ULK1: variants seen among roughly 807,000 people sequenced by gnomAD.
ULK1 encodes serine/threonine-protein kinase ULK1.
A neutral mutation model predicts 117.5 loss-of-function variants in ULK1; 48 were observed. The ratio of observed to expected loss-of-function variants is 0.41; its 90% CI spans 0.32 to 0.52. ULK1 has a LOEUF of 0.52. Ranked by LOEUF, ULK1 falls within the 20% of genes least tolerant of loss-of-function variation. The pLI, the probability that ULK1 is intolerant of heterozygous loss-of-function variation, is 0.29. For missense variants in ULK1, 1,387 were observed against 1,473.4 expected (o/e 0.94, Z 0.96); for synonymous variants, 790 against 637.8 (o/e 1.24, Z -3.60).
intron 7 of ULK1, 80 bp from the exon 8 acceptor site, chr12:131,909,056 C>T: frequency 4.4e-6 from 7 of 1,609,092 alleles, no homozygotes; most frequent in Non-Finnish European, 5.1e-6. Flanking sequence ...GCGCTCTGCT[C>T]TGGTTGGCTG....
Position 131,913,807 on chromosome 12 carries a change from A to G in ULK1, c.1218A>G (p.Pro406=). Residue 406 remains proline, a synonymous_variant, in exon 15 of 28, where the codon CCA becomes CCG. Coordinates refer to ENST00000321867, the MANE Select transcript of ULK1 (RefSeq NM_003565.4). ...ESHGRTPSPS[P]PCSSSPSPSG... is the part of the protein sequence containing the mutation. Reference sequence around the variant, plus strand: ...ACGGCCGGACCCCATCTCCATCCCCACCCTGCAGCAGCTCCCCCAGTCCCT... The same window carrying G: ...ACGGCCGGACCCCATCTCCATCCCCGCCCTGCAGCAGCTCCCCCAGTCCCT... 6.4e-7 allele frequency: 1 copy of G among 1,562,800 alleles called. No individual in the cohort carries two copies. Among genetic ancestry groups the G allele is most frequent in the Non-Finnish European group, 8.7e-7 (1 of 1,153,876 alleles).
Position 131,918,620 on chromosome 12 carries a change from C to T in ULK1, c.2450C>T (p.Ala817Val), listed in dbSNP as rs1267399543. Residue 817 changes from alanine to valine, a missense_variant, in exon 23 of 28, where the codon GCG (alanine) becomes GTG (valine). Around this residue, in one of 4 missense-constraint regions of ULK1, gnomAD observed 900 missense variants for 858.9 expected, o/e 1.05. Coordinates refer to ENST00000321867, the MANE Select transcript of ULK1 (RefSeq NM_003565.4). Reference sequence around the variant, plus strand: ...TGCAGCTTTGCCGACCCCATTACTGCGAACCTGGAGGGGGCTGTGACCTTC... The same window carrying T: ...TGCAGCTTTGCCGACCCCATTACTGTGAACCTGGAGGGGGCTGTGACCTTC... ...HGCSFADPITANLEGAVTFEA... is the reference protein window; with the variant it reads ...HGCSFADPITVNLEGAVTFEA... 4 of 1,610,144 alleles carry T rather than the reference C, an allele frequency of 2.5e-6. No homozygotes were observed. Among genetic ancestry groups the T allele is most frequent in the South Asian group, 1.1e-5 (1 of 90,632 alleles).
intron 12 of ULK1, among the ~76,000 whole-genome samples, chr12:131,911,282 G>A (rs1486177025): frequency 6.6e-6 from 1 of 152,218 alleles, no homozygotes; most frequent in Non-Finnish European, 1.5e-5. Flanking sequence ...GCATGGTGTT[G>A]TGGCTGGTGG....
rs115027161 is a variant in ULK1, at chr12:131,920,685, G to A, written c.2962-415G>A. On this transcript the variant is annotated intron_variant, in intron 26 of 27. Coordinates refer to ENST00000321867, the MANE Select transcript of ULK1 (RefSeq NM_003565.4). Reference sequence around the variant, plus strand: ...TCTTGCCTCAGCTTCCCAAGATGCTGGGTATTACAGGCAAAAACTCATGAG... The same window carrying A: ...TCTTGCCTCAGCTTCCCAAGATGCTAGGTATTACAGGCAAAAACTCATGAG... 625 of 208,176 alleles carry A rather than the reference G, an allele frequency of 3.0e-3. 3 individuals are homozygous for A. Among genetic ancestry groups the A allele is most frequent in the African/African-American group, 0.014 (605 of 43,550 alleles). The allele number at this position is 208,176 out of a possible 1,614,324, so 12.9% of individuals were successfully genotyped here.
rs561208204 is a variant in ULK1 at position 131,916,828 on chromosome 12, G to A, written c.2073-125G>A. ...GCCTGTAAGCTGGGGTGACAGGAGC[G>A]CCTGCCTCTCGAGGTGGGCCAGGAG... On this transcript the variant is annotated intron_variant, in intron 20 of 27. Transcript: ENST00000321867. 1.1e-4 allele frequency: 114 copies of A among 1,009,164 alleles called. No individual in the cohort carries two copies. In the African/African-American group the frequency reaches 1.6e-3, roughly 14 times the overall value. The allele number at this position is 1,009,164 out of a possible 1,614,324, so 62.5% of individuals were successfully genotyped here.
intron 18 of ULK1, 86 bp downstream of exon 18, chr12:131,915,507 C>G (rs1457572992): frequency 6.7e-7 from 1 of 1,482,974 alleles, no homozygotes; most frequent in Non-Finnish European, 9.1e-7. Flanking sequence ...CTTGCTCTTT[C>G]CAAGTGAAAA....
rs751619954 is a variant in ULK1 at position 131,907,548 on chromosome 12, G to A, written c.316+17G>A. Reference sequence around the variant, plus strand: ...ACCTGCACGGTGAGTGCACAGCTGCGCCACCTGGGCTGCCAGCCGGTCCCA... The same window carrying A: ...ACCTGCACGGTGAGTGCACAGCTGCACCACCTGGGCTGCCAGCCGGTCCCA... On this transcript the variant is annotated intron_variant, in intron 5 of 27. Transcript: ENST00000321867. The A allele has an allele frequency of 3.3e-5, 53 of 1,606,990 alleles. No individual in the cohort carries two copies. The Admixed American group carries it at 5.5e-4, about 17-fold the overall frequency.
chr12:131,917,432 G>C lies in ULK1; in HGVS notation c.2204G>C (p.Gly735Ala). ...MEIAPSAGFG[G>A]SLHPGARAGG... is the part of the protein sequence containing the mutation. ...CCAGCACCCTCAGCTGGCTTTGGAGGGAGCCTGCACCCAGGAGCCCGTGCT... is the reference window on the plus strand; with the variant it reads ...CCAGCACCCTCAGCTGGCTTTGGAGCGAGCCTGCACCCAGGAGCCCGTGCT... The change falls in exon 22 of 28, where the codon GGG (glycine) becomes GCG (alanine). Residue 735 changes from glycine to alanine, a missense_variant. By Grantham distance (60) the Gly-to-Ala change is moderately conservative. Around this residue, in one of 4 missense-constraint regions of ULK1, gnomAD observed 900 missense variants for 858.9 expected, o/e 1.05. Coordinates refer to ENST00000321867, the MANE Select transcript of ULK1 (RefSeq NM_003565.4). The C allele has an allele frequency of 6.5e-7, 1 of 1,541,458 alleles. No homozygotes were observed. The highest frequency in any genetic ancestry group is 8.7e-7 in the Non-Finnish European group (1 of 1,145,524).
Position 131,914,388 on chromosome 12 carries a change from C to A in ULK1, c.1284C>A (p.Ala428=), listed in dbSNP as rs771212541. 3.2e-5 allele frequency: 52 copies of A among 1,612,408 alleles called. No individual in the cohort carries two copies. Among genetic ancestry groups the A allele is most frequent in the Non-Finnish European group, 4.2e-5 (49 of 1,179,982 alleles). ...CGTTCTCCAGCAGCAGGTGCGGCGC[C>A]TCTGTCCCCATCCCAGTCCCCACGC... ...AGPFSSSRCG[A]SVPIPVPTQV... is the part of the protein sequence containing the mutation. The change falls in exon 16 of 28, where the codon GCC becomes GCA. Residue 428 remains alanine, a synonymous_variant. Coordinates refer to ENST00000321867, the MANE Select transcript of ULK1 (RefSeq NM_003565.4).
intron 22 of ULK1, among the ~76,000 whole-genome samples, chr12:131,918,101 C>T (rs1889944363): frequency 6.6e-6 from 1 of 152,190 alleles, no homozygotes. Flanking sequence ...TGGGGGACTG[C>T]CTTGCCCTTT....
Position 131,899,016 on chromosome 12 carries a change from T to C in ULK1, c.246+3192T>C, listed in dbSNP as rs1482360817. On this transcript the variant is annotated intron_variant, in intron 3 of 27. Coordinates refer to ENST00000321867, the MANE Select transcript of ULK1 (RefSeq NM_003565.4). The stretch of plus-strand genomic sequence containing the variant: ...GCCTCAGCCTCCCGAGTAGCTGGGA[T>C]TACAGGCACCTGCCACCACGCCCGG... Among the ~76,000 whole-genome samples, 12 of 150,158 alleles carry C rather than the reference T, an allele frequency of 8.0e-5. 1 individual carries two copies. The highest frequency in any genetic ancestry group is 6.6e-4 in the Admixed American group (10 of 15,040).
chr12:131,909,876 C>G, intron 9 of ULK1, 43 bp downstream of exon 9: 1 of 1,609,972 alleles, frequency 6.2e-7, no homozygotes, highest in South Asian at 1.1e-5. Context: ...CCGCGGGCTC[C>G]GGCCCCGCAG....
In ULK1 at chr12:131,903,297, C is replaced by T. The variant is rs929314692; in HGVS notation, c.247-3595C>T. 6.6e-5 allele frequency among the ~76,000 whole-genome samples: 10 copies of T among 152,182 alleles called. No homozygotes were observed. The highest frequency in any genetic ancestry group is 1.7e-4 in the African/African-American group (7 of 41,432). On this transcript the variant is annotated intron_variant, in intron 3 of 27. Coordinates refer to ENST00000321867, the MANE Select transcript of ULK1 (RefSeq NM_003565.4). This position sits in a 1 kb window ranked among gnomAD's most constrained non-coding sequence, Gnocchi z 6.0. ...TGGAGACAGCAAGGCTAGGTCCTTCCGGGGACACAGAGGGTGACTGGCTTG... is the reference window on the plus strand; with the variant it reads ...TGGAGACAGCAAGGCTAGGTCCTTCTGGGGACACAGAGGGTGACTGGCTTG...
chr12:131,921,503 C>A lies in ULK1; in HGVS notation c.*142C>A. ...CTGGGCCCCACGGACAGTCAGCCTG[C>A]CGGCCTCCCTGCAGCTCACGGGGCA... is the stretch of plus-strand genomic sequence containing the variant. On this transcript the variant is annotated 3_prime_UTR_variant, in exon 28 of 28. Coordinates refer to ENST00000321867, the MANE Select transcript of ULK1 (RefSeq NM_003565.4). The A allele has an allele frequency of 1.6e-6, 2 of 1,279,292 alleles. No homozygotes were observed. The highest frequency in any genetic ancestry group is 1.3e-5 in the South Asian group (1 of 78,928). 79.2% of individuals were successfully genotyped at this position (1,279,292 alleles called of 1,614,324 possible).
chr12:131,909,913 C>T lies in ULK1; in HGVS notation c.726-6C>T. On this transcript the variant is annotated splice_polypyrimidine_tract_variant and splice_region_variant and intron_variant, in intron 9 of 27. Transcript: ENST00000321867. ...CCCTGCTCACACCAGCCTCCTCTTG[C>T]CCCAGCATCCCCCGGGAGACCTCGG... is the stretch of plus-strand genomic sequence containing the variant. 6.2e-7 allele frequency: 1 copy of T among 1,611,692 alleles called. No homozygotes were observed. The highest frequency in any genetic ancestry group is 8.5e-7 in the Non-Finnish European group (1 of 1,179,636).
chr12:131,914,052 C>G (rs555297827), intron 15 of ULK1, among the ~76,000 whole-genome samples: 3 of 111,226 alleles, frequency 2.7e-5, no homozygotes, highest in South Asian at 6.3e-4. Flanking sequence ...GGAAACCAAC[C>G]AGGGACGCCA....
rs1014469686 is a variant in ULK1 at position 131,921,682 on chromosome 12, G to T, written c.*321G>T. 8 of 609,988 alleles carry T rather than the reference G, an allele frequency of 1.3e-5. No homozygotes were observed. The highest frequency in any genetic ancestry group is 2.1e-5 in the Non-Finnish European group (7 of 332,882). The allele number at this position is 609,988 out of a possible 1,614,324, so 37.8% of individuals were successfully genotyped here. Reference sequence around the variant, plus strand: ...GGGCAGCCCCGGAGGACAGGCAAGGGCCTGAGACCACTGCCGACTCAAAGC... The same window carrying T: ...GGGCAGCCCCGGAGGACAGGCAAGGTCCTGAGACCACTGCCGACTCAAAGC... On this transcript the variant is annotated 3_prime_UTR_variant, in exon 28 of 28. Coordinates refer to ENST00000321867, the MANE Select transcript of ULK1 (RefSeq NM_003565.4).
In ULK1 at chr12:131,915,967, C is replaced by G; in HGVS notation, c.1686C>G (p.Asp562Glu). ...CRLHSAPNLS[D>E]LHVVRPKLPK... The stretch of plus-strand genomic sequence containing the variant: ...TGCACAGCGCCCCCAACCTGTCTGA[C>G]TTGCACGTCGTCCGCCCCAAGCTGC... Residue 562 changes from aspartate (D) to glutamate (E), a missense_variant, in exon 19 of 28, where the codon GAC (aspartate) becomes GAG (glutamate). By Grantham distance (45) the Asp-to-Glu change is conservative. Transcript: ENST00000321867. 1 of 1,612,540 alleles carries G rather than the reference C, an allele frequency of 6.2e-7. No individual in the cohort carries two copies.
In ULK1 at chr12:131,915,307, A is replaced by C. The variant is rs535591505; in HGVS notation, c.1523-28A>C. The C allele has an allele frequency of 1.4e-4, 222 of 1,612,108 alleles. 1 individual carries two copies. Among genetic ancestry groups the C allele is most frequent in the Non-Finnish European group, 1.7e-5 (20 of 1,179,640 alleles). The stretch of plus-strand genomic sequence containing the variant: ...AGGAGGCTGTCTCTGTCCCAGCTGG[A>C]CCCTGACAGATCTCTCTTTTCCCCA... On this transcript the variant is annotated intron_variant, in intron 17 of 27. Transcript: ENST00000321867.
Sources: gnomAD v4.1 joint callset for allele counts (sites outside exome capture counted in the v4.1 genomes callset) on GRCh38, gnomAD v4.1.1 for gene constraint, gnomAD v4.1.1 regional missense constraint, Gnocchi (gnomAD v3.1) non-coding constraint, MANE v1.5 for transcripts, NCBI Gene and HGNC (gene_info 2026-07-23, HGNC 2026-07-21) for gene names.